Variants in SNRPN observed in about 807,000 individuals in gnomAD.
SNRPN encodes the protein small nuclear ribonucleoprotein-associated protein N.
SNRPN carries 7 observed loss-of-function variants against 25.2 expected under a neutral mutation model. That is an observed-to-expected ratio of 0.28 (90% CI 0.16 to 0.52). The LOEUF is 0.52. SNRPN is among the 20% of genes least tolerant of loss of function. SNRPN has a pLI of 0.96. For synonymous variants in SNRPN, 124 were observed against 110.6 expected, an observed-to-expected ratio of 1.12 and a Z score of -0.76; for missense variants, 196 against 322.5, an observed-to-expected ratio of 0.61 and a Z score of 3.00.
chr15:24,944,766 G>C (rs2061772236), intron 3 of SNRPN, among the ~76,000 whole-genome samples: 2 of 152,172 alleles, frequency 1.3e-5, no homozygotes, highest in African/African-American at 4.8e-5. Flanking sequence ...CTCAGTCTCT[G>C]TTTCTCTTTC....
At chr15:24,968,105 TC>T in intron 3 of SNRPN, 23 bp downstream of exon 3, 1 of 1,335,342 alleles carries the variant, frequency 7.5e-7, no homozygotes, top group Non-Finnish European at 1.1e-6. Flanking sequence ...GCAGCAATGA[TC>T]AAGAATAAAG....
intron 5 of SNRPN, among the ~76,000 whole-genome samples, chr15:24,975,786 C>G (rs1231984163): frequency 6.6e-6 from 1 of 151,966 alleles, no homozygotes; most frequent in Non-Finnish European, 1.5e-5. Flanking sequence ...GAGAAAAATG[C>G]TATATTAATT....
At chr15:24,909,166 G>T (rs1404351650) in intron 2 of SNRPN, 1 of 1,414,038 alleles carries the variant, frequency 7.1e-7, no homozygotes, top group East Asian at 2.3e-5. Context: ...ACTGTTTCTT[G>T]TAAGCATTTT....
At chr15:24,854,147 C>T (rs534960435), upstream of SNRPN, among the ~76,000 whole-genome samples, 188 of 152,162 alleles carry the variant, frequency 1.2e-3, 1 homozygote, top group African/African-American at 4.3e-3. Context: ...ATATCATTTT[C>T]GTATACACAC....
intron 2 of SNRPN, among the ~76,000 whole-genome samples, chr15:24,905,217 A>G (rs2058720194): frequency 6.6e-6 from 1 of 152,168 alleles, no homozygotes. Context: ...GATGTTAAAA[A>G]ATAACAGGGA....
chr15:24,901,544 G>A (rs1268050100), intron 2 of SNRPN, among the ~76,000 whole-genome samples: 1 of 152,162 alleles, frequency 6.6e-6, no homozygotes, highest in African/African-American at 2.4e-5. Flanking sequence ...GAATGTCATC[G>A]TGTTCTACCT....
upstream of SNRPN, among the ~76,000 whole-genome samples, chr15:24,950,852 T>A (rs1190094547): frequency 2.0e-5 from 3 of 151,182 alleles, no homozygotes; most frequent in Non-Finnish European, 4.4e-5. Context: ...CCGGCCCCTA[T>A]GTTTTCCTTT....
intron 2 of SNRPN, among the ~76,000 whole-genome samples, chr15:24,837,867 C>T (rs2051352284): frequency 6.6e-6 from 1 of 150,796 alleles, no homozygotes; most frequent in South Asian, 2.1e-4. Context: ...GGGATTATAG[C>T]ATGCACCACA....
intron 2 of SNRPN, among the ~76,000 whole-genome samples, chr15:24,834,672 G>T (rs1329153295): frequency 6.8e-6 from 1 of 147,768 alleles, no homozygotes; most frequent in Non-Finnish European, 1.5e-5. Context: ...CTGTGATCAT[G>T]ATCAGGTCAC....
In SNRPN at chr15:24,955,018, C is replaced by T. The variant is rs372506458; in HGVS notation, c.-435C>T. On this transcript the variant is annotated 5_prime_UTR_variant, in exon 1 of 10. It adds an upstream start codon to the 5' untranslated region. Coordinates refer to ENST00000390687, the MANE Select transcript of SNRPN (RefSeq NM_003097.6). ...TGGAGCGGCCGCCGGAGATGCCTGA[C>T]GCATCTGTCTGAGGAGCGGTCAGTG... 3.4e-5 allele frequency: 55 copies of T among 1,612,344 alleles called. No individual in the cohort carries two copies. Among genetic ancestry groups the T allele is most frequent in the Non-Finnish European group, 4.3e-5 (51 of 1,179,884 alleles).
At chr15:24,914,636 G>A (rs1304990285) in intron 2 of SNRPN, among the ~76,000 whole-genome samples, 2 of 152,154 alleles carry the variant, frequency 1.3e-5, no homozygotes, top group African/African-American at 4.8e-5. Flanking sequence ...TGGCTCCAGA[G>A]TCTAATTCAC....
At chr15:24,963,157 A>G (rs1297055083) in intron 2 of SNRPN, among the ~76,000 whole-genome samples, 1 of 152,194 alleles carries the variant, frequency 6.6e-6, no homozygotes, top group Non-Finnish European at 1.5e-5. Flanking sequence ...CTGTATTTTG[A>G]CAATATGTCT....
chr15:24,929,101 A>G lies in SNRPN; in HGVS notation c.-391+8977A>G, dbSNP rs1314752782. On this transcript the variant is annotated intron_variant, in intron 3 of 11. Coordinates refer to the SNRPN transcript ENST00000400097. This position sits in a 1 kb window ranked among gnomAD's most constrained non-coding sequence, Gnocchi z 5.3. The stretch of plus-strand genomic sequence containing the variant: ...TATGTTATTGCTTTTAGGCCCTTCC[A>G]GATATACGGGATATAAAGATATAGC... Among the ~76,000 whole-genome samples the G allele has an allele frequency of 6.6e-6, 1 of 152,144 alleles. No individual in the cohort carries two copies. Among genetic ancestry groups the G allele is most frequent in the Non-Finnish European group, 1.5e-5 (1 of 68,038 alleles).
chr15:24,852,305 C>A (rs1425727073), upstream of SNRPN: 1 of 152,130 alleles, frequency 6.6e-6, no homozygotes, highest in African/African-American at 2.4e-5. Context: ...AATATTATAT[C>A]TTTTCTTCTG....
rs79075739 is a variant in SNRPN at position 24,838,612 on chromosome 15, G to C, written c.-579+8707G>C. Reference sequence around the variant, plus strand: ...CTATCTATCAGATAAGGATTGGATTGAGCTGGTGTAGCCAGTTTGTCTGTC... The same window carrying C: ...CTATCTATCAGATAAGGATTGGATTCAGCTGGTGTAGCCAGTTTGTCTGTC... On this transcript the variant is annotated intron_variant, in intron 2 of 12. Transcript: ENST00000400100. 2.6e-5 allele frequency among the ~76,000 whole-genome samples: 4 copies of C among 152,154 alleles called. No homozygotes were observed. The East Asian group carries it at 7.8e-4, about 30-fold the overall frequency.
At chr15:24,970,427 A>C (rs1348994497) in intron 3 of SNRPN, among the ~76,000 whole-genome samples, 1 of 152,064 alleles carries the variant, frequency 6.6e-6, no homozygotes, top group Non-Finnish European at 1.5e-5. Flanking sequence ...AAAAATACAA[A>C]TATTAGCCGG....
intron 2 of SNRPN, among the ~76,000 whole-genome samples, chr15:24,893,603 G>A (rs967668891): frequency 2.6e-5 from 4 of 152,108 alleles, no homozygotes; most frequent in African/African-American, 9.7e-5. Flanking sequence ...GGGTGACAGA[G>A]CAAGACACTG....
chr15:24,922,841 A>G (rs1029685327), intron 3 of SNRPN, among the ~76,000 whole-genome samples: 66 of 148,414 alleles, frequency 4.4e-4, no homozygotes, highest in African/African-American at 1.6e-3. Flanking sequence ...AGGTATACAG[A>G]CATATCATTA....
intron 2 of SNRPN, among the ~76,000 whole-genome samples, chr15:24,835,904 A>G (rs928612990): frequency 6.6e-6 from 1 of 152,032 alleles, no homozygotes; most frequent in Non-Finnish European, 1.5e-5. Context: ...GGCTCAAGCC[A>G]TCTTCCCTCT....
Sources: gnomAD v4.1 joint callset for allele counts (sites outside exome capture counted in the v4.1 genomes callset) on GRCh38, gnomAD v4.1.1 for gene constraint, Gnocchi (gnomAD v3.1) non-coding constraint, MANE v1.5 for transcripts, NCBI Gene and HGNC (gene_info 2026-07-23, HGNC 2026-07-21) for gene names.